Variants in NCAM2 observed in about 807,000 individuals in gnomAD.
NCAM2 encodes the protein N-CAM-2.
Under a neutral mutation model 98.1 loss-of-function variants are expected in NCAM2, and 30 were observed. That is an observed-to-expected ratio of 0.31 (90% confidence interval 0.23 to 0.41). The LOEUF is 0.41. Among genes scored for constraint, NCAM2 ranks in the 10% least tolerant of loss-of-function variants. The pLI is 1.00. For synonymous variants in NCAM2, 368 were observed against 342.4 expected (o/e 1.07, Z -0.83); for missense variants, 867 against 1,005.8 (o/e 0.86, Z 1.87).
chr21:21,386,957 A>G lies in NCAM2; in HGVS notation c.1195+12944A>G, dbSNP rs552146870. Among the ~76,000 whole-genome samples, 35 of 152,304 alleles carry G rather than the reference A, an allele frequency of 2.3e-4. 1 individual carries two copies. In the South Asian group the frequency reaches 7.2e-3, roughly 32 times the overall value. On this transcript the variant is annotated intron_variant, in intron 9 of 17. Coordinates refer to ENST00000400546, the MANE Select transcript of NCAM2 (RefSeq NM_004540.5). ...CCTTGCTTTCTGTCCTTTCTCTGGA[A>G]TGAAGACCTTGCCCTGGGAATCCCA...
At chr21:21,263,861 A>G (rs1429819749) in intron 1 of NCAM2, among the ~76,000 whole-genome samples, 1 of 152,190 alleles carries the variant, frequency 6.6e-6, no homozygotes, top group Non-Finnish European at 1.5e-5. Context: ...GTAGCTCAAG[A>G]TGAATTAAGG....
Position 21,017,460 on chromosome 21 carries a change from G to A in NCAM2, c.55+18842G>A, listed in dbSNP as rs141041685. On this transcript the variant is annotated intron_variant, in intron 1 of 17. Coordinates refer to ENST00000400546, the MANE Select transcript of NCAM2 (RefSeq NM_004540.5). ...AAAAAAAAAAAAAAGAAATAGAAAC[G>A]GGAACCAGAGTCTTCTATAGAGGGA... Among the ~76,000 whole-genome samples the A allele has an allele frequency of 9.1e-3, 1,160 of 127,900 alleles. 12 individuals carry two copies. The highest frequency in any genetic ancestry group is 0.031 in the African/African-American group (1,063 of 34,674). 83.9% of individuals were successfully genotyped at this position (127,900 alleles called of 152,430 possible). A position where few individuals can be genotyped will look rare whatever the true frequency, so the allele number is the denominator to read the frequency against.
At chr21:21,260,571 A>AC (rs1380851233) in intron 1 of NCAM2, among the ~76,000 whole-genome samples, 1 of 151,594 alleles carries the variant, frequency 6.6e-6, no homozygotes, top group Non-Finnish European at 1.5e-5. Context: ...GAAGAAAAAA[A>AC]AAAATGCCAG....
chr21:21,148,061 C>G (rs780549698), intron 1 of NCAM2, among the ~76,000 whole-genome samples: 6 of 152,014 alleles, frequency 3.9e-5, no homozygotes, highest in Non-Finnish European at 5.9e-5. Flanking sequence ...TACCTTCCTC[C>G]CATTTTCTCC....
intron 12 of NCAM2, among the ~76,000 whole-genome samples, chr21:21,452,991 T>A (rs1243999438): frequency 1.1e-5 from 1 of 93,674 alleles, no homozygotes; most frequent in East Asian, 2.5e-4. Flanking sequence ...TTATATATTA[T>A]ATTATATAAT....
rs1049403929 is a variant in NCAM2 at position 21,538,561 on chromosome 21, T to C, written c.*604T>C. On this transcript the variant is annotated 3_prime_UTR_variant, in exon 18 of 18. Transcript: ENST00000400546. ...TTCAGTGCATTTTCAACATTGATTT[T>C]TGATAGACTGAAGTGCCAGATCAAA... 6.6e-6 allele frequency: 1 copy of C among 152,524 alleles called. No individual in the cohort carries two copies. The highest frequency in any genetic ancestry group is 2.4e-5 in the African/African-American group (1 of 41,450). 9.4% of individuals were successfully genotyped at this position (152,524 alleles called of 1,614,324 possible). A position where few individuals can be genotyped will look rare whatever the true frequency, so the allele number is the denominator to read the frequency against.
intron 1 of NCAM2, among the ~76,000 whole-genome samples, chr21:21,263,815 T>C (rs1382455590): frequency 6.6e-6 from 1 of 152,100 alleles, no homozygotes; most frequent in Non-Finnish European, 1.5e-5. Context: ...TGCAGAAGAA[T>C]TAAACTGGAC....
Position 21,212,962 on chromosome 21 carries a change from G to A in NCAM2, c.56-67616G>A, listed in dbSNP as rs561898463. Reference sequence around the variant, plus strand: ...TTTCCATGTTAGCCAGGATGGTCTCGATCTCCTGACCTCATGATCCGCCCG... The same window carrying A: ...TTTCCATGTTAGCCAGGATGGTCTCAATCTCCTGACCTCATGATCCGCCCG... On this transcript the variant is annotated intron_variant, in intron 1 of 17. Transcript: ENST00000400546. Among the ~76,000 whole-genome samples, 27 of 151,982 alleles carry A rather than the reference G, an allele frequency of 1.8e-4. 1 individual carries two copies. In the East Asian group the frequency reaches 2.7e-3, roughly 15 times the overall value.
intron 16 of NCAM2, among the ~76,000 whole-genome samples, chr21:21,516,178 G>A (rs927398778): frequency 7.2e-5 from 11 of 152,102 alleles, no homozygotes; most frequent in African/African-American, 2.4e-4. Flanking sequence ...ACTCTTTCGT[G>A]TCTGGCTTCT....
intron 1 of NCAM2, among the ~76,000 whole-genome samples, chr21:21,202,551 G>A (rs1176029774): frequency 6.6e-6 from 1 of 151,258 alleles, no homozygotes; most frequent in Non-Finnish European, 1.5e-5. Flanking sequence ...CAAGTAGCTG[G>A]GAATACAGGC....
chr21:21,103,469 T>C (rs539674075), intron 1 of NCAM2, among the ~76,000 whole-genome samples: 1 of 19,944 alleles, frequency 5.0e-5, no homozygotes, highest in South Asian at 3.6e-3. Context: ...GAGGAATGTA[T>C]ATATGTACTG....
chr21:21,121,648 A>T (rs2066676711), intron 1 of NCAM2, among the ~76,000 whole-genome samples: 3 of 152,350 alleles, frequency 2.0e-5, no homozygotes, highest in South Asian at 2.1e-4. Flanking sequence ...TTATTTAAAG[A>T]TAGAAGGATT....
intron 1 of NCAM2, among the ~76,000 whole-genome samples, chr21:21,069,951 A>T (rs1032131665): frequency 6.6e-6 from 1 of 152,156 alleles, no homozygotes; most frequent in Admixed American, 6.5e-5. Flanking sequence ...CTTTTAAAAC[A>T]TATTTTCTTG....
rs145736113 is a variant in NCAM2, at chr21:21,497,481, AG to A, written c.2078-11369del. Among the ~76,000 whole-genome samples, 618 of 152,328 alleles carry A rather than the reference AG, an allele frequency of 4.1e-3. 6 individuals carry two copies. The highest frequency in any genetic ancestry group is 0.014 in the African/African-American group (596 of 41,580). ...TTTTCTTGCCCTGAATCAGATATTA[AG>A]AAAAAGCAAATAAAAGGATATGGTT... is the stretch of plus-strand genomic sequence containing the variant. On this transcript the variant is annotated intron_variant, in intron 15 of 17. Coordinates refer to ENST00000400546, the MANE Select transcript of NCAM2 (RefSeq NM_004540.5).
At chr21:21,349,711 A>G (rs2075283770) in intron 8 of NCAM2, among the ~76,000 whole-genome samples, 2 of 152,188 alleles carry the variant, frequency 1.3e-5, no homozygotes, top group African/African-American at 4.8e-5. Flanking sequence ...TGGATAAAGA[A>G]AATATACACA....
At chr21:21,351,831 C>T (rs577317149) in intron 8 of NCAM2, among the ~76,000 whole-genome samples, 33 of 152,308 alleles carry the variant, frequency 2.2e-4, no homozygotes, top group African/African-American at 7.9e-4. Flanking sequence ...ACTGGAACCT[C>T]TCCCTACCAG....
chr21:21,162,175 C>A (rs2067805158), intron 1 of NCAM2, among the ~76,000 whole-genome samples: 1 of 151,996 alleles, frequency 6.6e-6, no homozygotes, highest in Non-Finnish European at 1.5e-5. Context: ...TTGCCACATC[C>A]AGTTACAGAA....
rs1187294709 is a variant in NCAM2 at position 21,537,870 on chromosome 21, TG to T, written c.2430del (p.Glu812LysfsTer3). On this transcript the variant is annotated frameshift_variant, in exon 18 of 18. Transcript: ENST00000400546. LOFTEE classifies it high-confidence loss of function. ...PEKLPLKEED[G>X]KEALNPETIE... ...GAAAATTGCCTTTAAAGGAAGAAGA[TG>T]GGAAAGAAGCTCTAAATCCAGAAAC... is the stretch of plus-strand genomic sequence containing the variant. The T allele has an allele frequency of 6.4e-7, 1 of 1,565,814 alleles. No homozygotes were observed. Among genetic ancestry groups the T allele is most frequent in the Admixed American group, 1.9e-5 (1 of 52,526 alleles).
intron 12 of NCAM2, among the ~76,000 whole-genome samples, 163 bp from the exon 13 acceptor site, chr21:21,466,443 C>A (rs559606363): frequency 1.3e-5 from 2 of 151,906 alleles, no homozygotes; most frequent in African/African-American, 4.8e-5. Context: ...TCAGTTTCTT[C>A]TTATATGACT....
Sources: allele counts gnomAD v4.1 joint callset (sites outside exome capture counted in the v4.1 genomes callset), GRCh38; gene constraint gnomAD v4.1.1; transcripts MANE v1.5; gene names NCBI Gene and HGNC (gene_info 2026-07-23, HGNC 2026-07-21).